The following EPSTI1 variants were observed in gnomAD, a reference collection of about 807,000 sequenced individuals.
EPSTI1 encodes epithelial-stromal interaction protein 1.
EPSTI1 carries 66 observed loss-of-function variants against 49.9 expected under a neutral mutation model. That is an observed-to-expected ratio of 1.32 (90% CI 1.08 to 1.62). The LOEUF is 1.62. Ranked by LOEUF, EPSTI1 falls within the 40% of genes most tolerant of loss-of-function variation. The pLI is 0.00. For synonymous variants in EPSTI1, 137 were observed against 130.7 expected (o/e 1.05, Z -0.33); for missense variants, 394 against 365.5 (o/e 1.08, Z -0.64).
chr13:42,928,259 A>G (rs535401060), intron 6 of EPSTI1, among the ~76,000 whole-genome samples: 2 of 152,226 alleles, frequency 1.3e-5, no homozygotes, highest in African/African-American at 2.4e-5. Flanking sequence ...TTTTTCTACT[A>G]TTAGCATTAG....
At chr13:42,932,889 T>C (rs1254251802) in intron 6 of EPSTI1, among the ~76,000 whole-genome samples, 1 of 152,188 alleles carries the variant, frequency 6.6e-6, no homozygotes, top group East Asian at 1.9e-4. Context: ...TGTAATTTTC[T>C]TGTTGGAAAT....
At chr13:42,942,078 T>C (rs962116748) in intron 6 of EPSTI1, among the ~76,000 whole-genome samples, 3 of 152,228 alleles carry the variant, frequency 2.0e-5, no homozygotes, top group Non-Finnish European at 4.4e-5. Context: ...CTTTGGATTA[T>C]ATATTTTATC....
At chr13:42,910,648 T>C (rs1025893152) in intron 8 of EPSTI1, among the ~76,000 whole-genome samples, 3 of 152,224 alleles carry the variant, frequency 2.0e-5, no homozygotes, top group African/African-American at 7.2e-5. Context: ...AATAACAACC[T>C]ACTTCCAATA....
intron 6 of EPSTI1, among the ~76,000 whole-genome samples, chr13:42,932,157 T>C (rs2038397607): frequency 6.6e-6 from 1 of 152,016 alleles, no homozygotes; most frequent in African/African-American, 2.4e-5. Flanking sequence ...GATCTCAAAC[T>C]TCTGGCCTCA....
At chr13:42,976,340 CAA>C (rs2039881804) in intron 1 of EPSTI1, among the ~76,000 whole-genome samples, 1 of 152,146 alleles carries the variant, frequency 6.6e-6, no homozygotes, top group African/African-American at 2.4e-5. Flanking sequence ...CCTGGGAGAA[CAA>C]ACCTTATCTC....
intron 1 of EPSTI1, among the ~76,000 whole-genome samples, chr13:42,980,239 G>A (rs141704640): frequency 1.3e-5 from 2 of 152,102 alleles, no homozygotes; most frequent in East Asian, 1.9e-4. Context: ...AACAAGATCC[G>A]TCTATATGAT....
At chr13:42,976,833 A>T (rs1307419684) in intron 1 of EPSTI1, among the ~76,000 whole-genome samples, 1 of 152,202 alleles carries the variant, frequency 6.6e-6, no homozygotes, top group African/African-American at 2.4e-5. Context: ...CACAATTACA[A>T]TTTTATTTGG....
intron 10 of EPSTI1, chr13:42,889,217 T>C: frequency 1.3e-6 from 2 of 1,571,842 alleles, no homozygotes; most frequent in South Asian, 1.2e-5. Flanking sequence ...CCACCTTAGG[T>C]GCCTCGAAAA....
In EPSTI1 at chr13:42,909,612, A is replaced by T. The variant is rs531562168; in HGVS notation, c.741+7929T>A. On this transcript the variant is annotated intron_variant, in intron 8 of 10. Transcript: ENST00000313624. ...ATTATTCCACCATAAAAAGAAGGAA[A>T]TCTTGTCATTTGCAACAACATGGAT... is the stretch of plus-strand genomic sequence containing the variant. Among the ~76,000 whole-genome samples, 8 of 152,174 alleles carry T rather than the reference A, an allele frequency of 5.3e-5. No individual in the cohort carries two copies. In the East Asian group the frequency reaches 1.5e-3, roughly 29 times the overall value.
At chr13:42,928,117 G>A (rs3803249) in intron 6 of EPSTI1, among the ~76,000 whole-genome samples, 4 of 152,128 alleles carry the variant, frequency 2.6e-5, no homozygotes, top group East Asian at 3.8e-4. Context: ...CACTCATGCC[G>A]CAGGATATAA....
intron 3 of EPSTI1, among the ~76,000 whole-genome samples, chr13:42,965,595 T>C (rs1210739799): frequency 6.6e-6 from 1 of 152,146 alleles, no homozygotes; most frequent in Non-Finnish European, 1.5e-5. Context: ...CATTCTGAAT[T>C]CTATGTCTTC....
chr13:42,984,575 A>G (rs1242010907), intron 1 of EPSTI1, among the ~76,000 whole-genome samples: 1 of 152,264 alleles, frequency 6.6e-6, no homozygotes, highest in African/African-American at 2.4e-5. Flanking sequence ...ATTTAACACT[A>G]TAACTTAGTG....
intron 8 of EPSTI1, among the ~76,000 whole-genome samples, chr13:42,909,335 G>C (rs1049888786): frequency 7.9e-5 from 12 of 152,154 alleles, no homozygotes; most frequent in African/African-American, 2.9e-4. Context: ...CACGCTGCTT[G>C]TGGGGGGTGT....
chr13:42,978,240 TG>T (rs1190546042), intron 1 of EPSTI1, among the ~76,000 whole-genome samples: 1 of 151,938 alleles, frequency 6.6e-6, no homozygotes, highest in Non-Finnish European at 1.5e-5. Context: ...GTGGTCTAGG[TG>T]GTCAGAGTAC....
intron 10 of EPSTI1, among the ~76,000 whole-genome samples, chr13:42,889,431 T>G (rs928796475): frequency 6.6e-6 from 1 of 152,184 alleles, no homozygotes; most frequent in African/African-American, 2.4e-5. Context: ...AAGAAACCAC[T>G]GCTTCTTTCC....
intron 1 of EPSTI1, among the ~76,000 whole-genome samples, chr13:42,978,435 C>T (rs375367632): frequency 3.3e-5 from 5 of 152,102 alleles, no homozygotes; most frequent in Non-Finnish European, 7.4e-5. Flanking sequence ...GTTTCTGATT[C>T]GCCTTTCCAA....
Position 42,899,257 on chromosome 13 carries a change from G to A in EPSTI1, c.815+1053C>T, listed in dbSNP as rs563527414. On this transcript the variant is annotated intron_variant, in intron 9 of 10. Coordinates refer to ENST00000313624, the MANE Select transcript of EPSTI1 (RefSeq NM_033255.5). Reference sequence around the variant, plus strand: ...AACAGCAATAAAATGGCTAAATTATGGCCTACTTTATAATAAATAAGTAGT... The same window carrying A: ...AACAGCAATAAAATGGCTAAATTATAGCCTACTTTATAATAAATAAGTAGT... Among the ~76,000 whole-genome samples the A allele has an allele frequency of 1.6e-3, 243 of 151,566 alleles. 1 individual carries two copies. Among genetic ancestry groups the A allele is most frequent in the African/African-American group, 5.4e-3 (224 of 41,376 alleles).
intron 8 of EPSTI1, among the ~76,000 whole-genome samples, chr13:42,909,003 G>A (rs948791176): frequency 1.9e-4 from 29 of 151,862 alleles, no homozygotes; most frequent in Admixed American, 1.1e-3. Context: ...TGAGGCAGGA[G>A]AATCTCTTGA....
chr13:42,917,501 A>G, intron 8 of EPSTI1, 40 bp downstream of exon 8: 4 of 1,519,006 alleles, frequency 2.6e-6, no homozygotes, highest in Non-Finnish European at 3.6e-6. Context: ...TAGTACCTCA[A>G]ATAAACAGTT....
Sources: allele counts gnomAD v4.1 joint callset (sites outside exome capture counted in the v4.1 genomes callset), GRCh38; gene constraint gnomAD v4.1.1; transcripts MANE v1.5; gene names NCBI Gene and HGNC (gene_info 2026-07-23, HGNC 2026-07-21).